The following DNAH9 variants were observed in gnomAD, a reference collection of about 807,000 sequenced individuals.
DNAH9 encodes dynein axonemal heavy chain 9.
DNAH9 carries 345 observed loss-of-function variants against 471.6 expected under a neutral mutation model. The observed-to-expected ratio is 0.73, with a 90% confidence interval of 0.67 to 0.80. The LOEUF (loss-of-function observed/expected upper bound fraction) is 0.80. Ranked by LOEUF, DNAH9 falls within the 30% of genes least tolerant of loss-of-function variation. The pLI, the probability that DNAH9 is intolerant of heterozygous loss-of-function variation, is 0.00. For synonymous variants in DNAH9, 2,093 were observed against 2,123.6 expected, an observed-to-expected ratio of 0.99 and a Z score of 0.40; for missense variants, 5,407 against 5,609.2, an observed-to-expected ratio of 0.96 and a Z score of 1.15.
chr17:11,662,449 C>T (rs1270944728), intron 14 of DNAH9, among the ~76,000 whole-genome samples: 1 of 151,992 alleles, frequency 6.6e-6, no homozygotes, highest in Non-Finnish European at 1.5e-5. Flanking sequence ...TTAATTTTCT[C>T]TCACATAAAA....
Position 11,690,372 on chromosome 17 carries a change from G to A in DNAH9, c.4550G>A (p.Arg1517Gln), listed in dbSNP as rs139715944. 4.9e-4 allele frequency: 789 copies of A among 1,614,118 alleles called. 10 individuals carry two copies. The South Asian group carries it at 8.1e-3, about 17-fold the overall frequency. Residue 1517 changes from arginine to glutamine, a missense_variant, in exon 20 of 69, where the codon CGA becomes CAA. Arg to Gln is a conservative substitution (Grantham distance 43, BLOSUM62 1). Around this residue, in one of 3 missense-constraint regions of DNAH9, gnomAD observed 4,636 missense variants for 4,900.3 expected, o/e 0.95. Transcript: ENST00000262442. ...AVISIWFEVQ[R>Q]TWTHLESIFT... ...ATCTCTATCTGGTTTGAAGTGCAGC[G>A]AACATGGACTCACCTGGAAAGCATA...
At chr17:11,681,028 G>T in intron 19 of DNAH9, 139 bp downstream of exon 19, 1 of 815,040 alleles carries the variant, frequency 1.2e-6, no homozygotes. Context: ...AGGACCTTTG[G>T]TTGAAACGTG....
chr17:11,637,816 G>A (rs2073192034), intron 9 of DNAH9, among the ~76,000 whole-genome samples: 2 of 152,068 alleles, frequency 1.3e-5, no homozygotes. Flanking sequence ...AAGCAAAGAT[G>A]CATTGTGGAT....
Position 11,747,577 on chromosome 17 carries a change from C to G in DNAH9, c.6421C>G (p.Leu2141Val). The G allele has an allele frequency of 6.2e-7, 1 of 1,613,804 alleles. No homozygotes were observed. The highest frequency in any genetic ancestry group is 8.5e-7 in the Non-Finnish European group (1 of 1,180,018). Residue 2141 changes from leucine to valine, a missense_variant, in exon 32 of 69, where the codon CTG (leucine) becomes GTG (valine). Leu to Val is a conservative substitution (Grantham distance 32). Transcript: ENST00000262442. ...VLKVVQLEEL[L>V]AVRHSVFVVG... is the part of the protein sequence containing the mutation. The stretch of plus-strand genomic sequence containing the variant: ...TCAGGTGGTCCAGCTGGAGGAGCTC[C>G]TGGCTGTGCGGCACTCTGTATTTGT...
At chr17:11,706,068 C>A (rs554586492) in intron 26 of DNAH9, among the ~76,000 whole-genome samples, 2 of 152,158 alleles carry the variant, frequency 1.3e-5, no homozygotes, top group South Asian at 4.2e-4. Flanking sequence ...ATGTATTTTG[C>A]TTTCCAGGCA....
Position 11,623,180 on chromosome 17 carries a change from G to T in DNAH9, c.1350+3399G>T, listed in dbSNP as rs191321228. Among the ~76,000 whole-genome samples the T allele has an allele frequency of 6.6e-6, 1 of 151,872 alleles. No homozygotes were observed. Among genetic ancestry groups the T allele is most frequent in the Non-Finnish European group, 1.5e-5 (1 of 67,986 alleles). ...GTAGAGACAGGGTCTTTCTGTGTTG[G>T]TCAGGCTGGTCTTGAACTCCCAACC... On this transcript the variant is annotated intron_variant, in intron 6 of 68. Transcript: ENST00000262442. This position sits in a 1 kb window ranked among gnomAD's most constrained non-coding sequence, Gnocchi z 4.1.
Position 11,933,975 on chromosome 17 carries a change from G to T in DNAH9, c.12393G>T (p.Leu4131=), listed in dbSNP as rs746461236. The T allele has an allele frequency of 6.2e-7, 1 of 1,614,180 alleles. No individual in the cohort carries two copies. Among genetic ancestry groups the T allele is most frequent in the Non-Finnish European group, 8.5e-7 (1 of 1,180,030 alleles). Reference sequence around the variant, plus strand: ...ACAGAAGACTCTGCAGAACCTACCTGGGGGAATTCATTCGACCAGAAATGT... The same window carrying T: ...ACAGAAGACTCTGCAGAACCTACCTTGGGGAATTCATTCGACCAGAAATGT... ...DWDRRLCRTY[L]GEFIRPEMLE... The change falls in exon 65 of 69, where the codon CTG becomes CTT. Residue 4131 remains leucine (L), a synonymous_variant. Transcript: ENST00000262442.
intron 59 of DNAH9, among the ~76,000 whole-genome samples, chr17:11,900,490 A>C (rs1597804344): frequency 1.6e-5 from 1 of 60,846 alleles, no homozygotes; most frequent in African/African-American, 4.2e-5. Context: ...GCTCTTCTTG[A>C]TCCTTCCCCT....
chr17:11,707,701 G>T (rs2074727746), intron 26 of DNAH9, among the ~76,000 whole-genome samples: 1 of 151,640 alleles, frequency 6.6e-6, no homozygotes, highest in Non-Finnish European at 1.5e-5. Context: ...ACCAAAATGT[G>T]AACTCTGCAT....
chr17:11,669,288 C>T (rs2073935388), intron 16 of DNAH9, 28 bp downstream of exon 16: 2 of 1,602,446 alleles, frequency 1.2e-6, no homozygotes, highest in African/African-American at 2.7e-5. Context: ...ATCCTGCCCT[C>T]CAACTGTGTC....
intron 32 of DNAH9, among the ~76,000 whole-genome samples, chr17:11,750,310 A>G (rs979721635): frequency 1.3e-5 from 2 of 152,170 alleles, no homozygotes; most frequent in African/African-American, 4.8e-5. Flanking sequence ...AAAGAATACA[A>G]ATCAACAGGT....
At chr17:11,923,413 G>A (rs919321812) in intron 61 of DNAH9, among the ~76,000 whole-genome samples, 9 of 151,962 alleles carry the variant, frequency 5.9e-5, no homozygotes, top group African/African-American at 9.7e-5. Flanking sequence ...CTGGGTTCAC[G>A]CCATTCTCCT....
intron 25 of DNAH9, 112 bp downstream of exon 25, chr17:11,704,554 T>A: frequency 1.0e-6 from 1 of 962,420 alleles, no homozygotes; most frequent in Non-Finnish European, 1.5e-6. Context: ...ACCAGACAGC[T>A]GGGGGAGGAT....
intron 26 of DNAH9, chr17:11,705,532 C>G: frequency 4.9e-6 from 1 of 204,388 alleles, no homozygotes; most frequent in Non-Finnish European, 1.0e-5. Context: ...AGTGGTAACT[C>G]ACAACTTCCA....
chr17:11,866,838 A>T (rs1972075109), intron 50 of DNAH9, among the ~76,000 whole-genome samples: 1 of 151,486 alleles, frequency 6.6e-6, no homozygotes, highest in African/African-American at 2.4e-5. Context: ...TGCAGGATAT[A>T]ATCTCCTGGT....
chr17:11,629,949 A>T (rs2073036555), intron 7 of DNAH9, among the ~76,000 whole-genome samples: 1 of 152,112 alleles, frequency 6.6e-6, no homozygotes. Context: ...CCAGAAAGAC[A>T]AATGTTGCAT....
At chr17:11,865,886 C>T (rs2150981557) in intron 50 of DNAH9, among the ~76,000 whole-genome samples, 1 of 152,296 alleles carries the variant, frequency 6.6e-6, no homozygotes, top group Non-Finnish European at 1.5e-5. Flanking sequence ...CCTTTAAGCA[C>T]TTCTCTGTAT....
At chr17:11,958,055 C>A (rs1308610871) in intron 67 of DNAH9, among the ~76,000 whole-genome samples, 1 of 152,138 alleles carries the variant, frequency 6.6e-6, no homozygotes. Context: ...TGCAGTACAT[C>A]CAGACAGTGG....
intron 67 of DNAH9, among the ~76,000 whole-genome samples, chr17:11,947,417 C>T (rs1225041335): frequency 1.3e-5 from 2 of 152,166 alleles, no homozygotes; most frequent in African/African-American, 4.8e-5. Context: ...ATGCCCAATA[C>T]AGTAGCCATT....
Sources: allele counts gnomAD v4.1 joint callset (sites outside exome capture counted in the v4.1 genomes callset), GRCh38; gene constraint gnomAD v4.1.1; regional missense constraint gnomAD v4.1.1; non-coding constraint Gnocchi (gnomAD v3.1); transcripts MANE v1.5; gene names NCBI Gene and HGNC (gene_info 2026-07-23, HGNC 2026-07-21).